Variants in CADPS observed in about 807,000 individuals in gnomAD.
The protein encoded by CADPS is calcium-dependent secretion activator 1.
In CADPS, 57 loss-of-function variants were observed where a neutral mutation model predicts 167.3. The ratio of observed to expected loss-of-function variants is 0.34; its 90% CI spans 0.28 to 0.42. The LOEUF (loss-of-function observed/expected upper bound fraction) is 0.42. Ranked by LOEUF, CADPS falls within the 20% of genes least tolerant of loss-of-function variation. The pLI is 1.00. For missense variants in CADPS, 1,414 were observed against 1,738.1 expected, an observed-to-expected ratio of 0.81 and a Z score of 3.32; for synonymous variants, 676 against 635.3, an observed-to-expected ratio of 1.06 and a Z score of -0.96.
At chr3:62,779,898 A>G in intron 1 of CADPS, 2 of 179,208 alleles carry the variant, frequency 1.1e-5, no homozygotes, top group South Asian at 2.6e-4. Flanking sequence ...TAACATAAGG[A>G]TAAAGTTCTG....
At chr3:62,490,012 T>C (rs1355673936) in intron 21 of CADPS, among the ~76,000 whole-genome samples, 1 of 152,148 alleles carries the variant, frequency 6.6e-6, no homozygotes, top group Non-Finnish European at 1.5e-5. Flanking sequence ...TTAACCTCCC[T>C]GCAATAGGGA....
chr3:62,412,253 G>A lies in CADPS; in HGVS notation c.3778-9068C>T, dbSNP rs531654174. 2.6e-5 allele frequency among the ~76,000 whole-genome samples: 4 copies of A among 151,768 alleles called. No individual in the cohort carries two copies. The East Asian group carries it at 7.8e-4, about 30-fold the overall frequency. ...TGCTGTGGCTTTTCAGGATGGCCGG[G>A]TCCTAAAGTTTGGACGGCAGCTCCC... is the stretch of plus-strand genomic sequence containing the variant. On this transcript the variant is annotated intron_variant, in intron 28 of 29. Transcript: ENST00000383710. The surrounding 1 kb of genome is among the most constrained non-coding windows in gnomAD (Gnocchi z 4.1).
Position 62,875,250 on chromosome 3 carries a change from A to T in CADPS, c.-221T>A. Reference sequence around the variant, plus strand: ...AAGCGCGAAGGGAGGAGGGGAAGGGAGAGGTGCGTCCGTGGACTCGAGGTG... The same window carrying T: ...AAGCGCGAAGGGAGGAGGGGAAGGGTGAGGTGCGTCCGTGGACTCGAGGTG... On this transcript the variant is annotated 5_prime_UTR_variant, in exon 1 of 30. Coordinates refer to ENST00000383710, the MANE Select transcript of CADPS (RefSeq NM_003716.4). 2.5e-6 allele frequency: 1 copy of T among 397,662 alleles called. No individual in the cohort carries two copies. Among genetic ancestry groups the T allele is most frequent in the Non-Finnish European group, 4.1e-6 (1 of 242,476 alleles). The allele number at this position is 397,662 out of a possible 1,614,324, so 24.6% of individuals were successfully genotyped here. A position where few individuals can be genotyped will look rare whatever the true frequency, so the allele number is the denominator to read the frequency against.
intron 8 of CADPS, among the ~76,000 whole-genome samples, chr3:62,578,922 A>G (rs2082852597): frequency 6.6e-6 from 1 of 152,192 alleles, no homozygotes; most frequent in South Asian, 2.1e-4. Context: ...TGTACCAAAA[A>G]GCATGGTGTC....
chr3:62,665,076 A>T (rs1320675893), intron 3 of CADPS, among the ~76,000 whole-genome samples: 2 of 152,208 alleles, frequency 1.3e-5, no homozygotes, highest in East Asian at 3.9e-4. Context: ...AAGGATTAGC[A>T]TTTATTGATG....
At chr3:62,477,263 A>C (rs1364281794) in intron 23 of CADPS, among the ~76,000 whole-genome samples, 1 of 151,794 alleles carries the variant, frequency 6.6e-6, no homozygotes, top group Non-Finnish European at 1.5e-5. Flanking sequence ...CCATCAACCA[A>C]GCTACACAAC....
At chr3:62,450,531 A>G (rs749274160) in intron 26 of CADPS, among the ~76,000 whole-genome samples, 81 of 151,844 alleles carry the variant, frequency 5.3e-4, no homozygotes, top group Admixed American at 1.3e-3. Flanking sequence ...ATCTCCTGGG[A>G]CTCCCTGCTT....
At chr3:62,612,791 T>C (rs190870809) in intron 6 of CADPS, among the ~76,000 whole-genome samples, 1 of 152,326 alleles carries the variant, frequency 6.6e-6, no homozygotes, top group African/African-American at 2.4e-5. Flanking sequence ...TTTACTGATT[T>C]AGCCTCCTTT....
intron 23 of CADPS, among the ~76,000 whole-genome samples, chr3:62,475,584 GAAAAA>G (rs34263556): frequency 1.3e-4 from 7 of 55,948 alleles, no homozygotes; most frequent in South Asian, 2.1e-3. Context: ...CAGTTCTTAA[GAAAAA>G]AAAAAAAAAA....
At chr3:62,756,702 C>T (rs1311889099) in intron 2 of CADPS, among the ~76,000 whole-genome samples, 1 of 152,166 alleles carries the variant, frequency 6.6e-6, no homozygotes, top group East Asian at 1.9e-4. Flanking sequence ...AAAGAAAACA[C>T]CTTTGAGATG....
chr3:62,853,953 C>T (rs906676645), intron 1 of CADPS, among the ~76,000 whole-genome samples: 11 of 151,926 alleles, frequency 7.2e-5, no homozygotes, highest in African/African-American at 2.7e-4. Flanking sequence ...GTAAGCCTGT[C>T]ACATTAAAAT....
intron 28 of CADPS, among the ~76,000 whole-genome samples, chr3:62,409,130 T>A (rs991825707): frequency 6.6e-5 from 10 of 152,232 alleles, no homozygotes; most frequent in African/African-American, 2.4e-4. Context: ...GCTTTGTAGA[T>A]GAGAGAAAAG....
rs111793843 is a variant in CADPS at position 62,400,675 on chromosome 3, C to T, written c.3883-1090G>A. The stretch of plus-strand genomic sequence containing the variant: ...AGTGCAGCAGATCGATCTCGGCTCA[C>T]TGCAACCTCCACCCCCTGGGTTCAA... On this transcript the variant is annotated intron_variant, in intron 29 of 29. Coordinates refer to ENST00000383710, the MANE Select transcript of CADPS (RefSeq NM_003716.4). Among the ~76,000 whole-genome samples, 404 of 150,520 alleles carry T rather than the reference C, an allele frequency of 2.7e-3. 1 individual carries two copies. Among genetic ancestry groups the T allele is most frequent in the African/African-American group, 8.9e-3 (365 of 40,926 alleles).
chr3:62,462,168 C>A (rs1389639434), intron 26 of CADPS, among the ~76,000 whole-genome samples: 2 of 152,212 alleles, frequency 1.3e-5, no homozygotes, highest in African/African-American at 4.8e-5. Context: ...GGGAAATGGG[C>A]AGATAGTTGC....
At chr3:62,516,469 T>C (rs2069025530) in intron 15 of CADPS, 111 bp downstream of exon 15, 2 of 881,538 alleles carry the variant, frequency 2.3e-6, no homozygotes, top group Non-Finnish European at 1.7e-6. Context: ...TGATGAATGG[T>C]AAACAAATCC....
At chr3:62,754,013 G>T (rs950641072) in intron 2 of CADPS, among the ~76,000 whole-genome samples, 1 of 152,148 alleles carries the variant, frequency 6.6e-6, no homozygotes, top group Non-Finnish European at 1.5e-5. Flanking sequence ...TTGGTGCAAG[G>T]ATTAAATGAG....
chr3:62,491,070 T>G (rs1354273546), intron 21 of CADPS, among the ~76,000 whole-genome samples: 3 of 152,194 alleles, frequency 2.0e-5, no homozygotes, highest in African/African-American at 7.2e-5. Flanking sequence ...GAGTTTATAT[T>G]CCTTCTTCCT....
At chr3:62,461,149 G>C (rs1241597465) in intron 26 of CADPS, among the ~76,000 whole-genome samples, 1 of 152,238 alleles carries the variant, frequency 6.6e-6, no homozygotes, top group Non-Finnish European at 1.5e-5. Context: ...CTGCAGAAGA[G>C]TGTTGTTGGA....
chr3:62,723,742 G>A (rs1036464630), intron 3 of CADPS, among the ~76,000 whole-genome samples: 1 of 152,228 alleles, frequency 6.6e-6, no homozygotes, highest in African/African-American at 2.4e-5. Flanking sequence ...ATTTGCATAT[G>A]CTGCTTAAAA....
Sources: allele counts gnomAD v4.1 joint callset (sites outside exome capture counted in the v4.1 genomes callset), GRCh38; gene constraint gnomAD v4.1.1; non-coding constraint Gnocchi (gnomAD v3.1); transcripts MANE v1.5; gene names NCBI Gene and HGNC (gene_info 2026-07-23, HGNC 2026-07-21).